Variants in COL19A1 observed in about 807,000 individuals in gnomAD.
The protein encoded by COL19A1 is collagen alpha-1(XIX) chain.
A neutral mutation model predicts 190.2 loss-of-function variants in COL19A1; 159 were observed. The observed-to-expected ratio is 0.84, with a 90% CI of 0.73 to 0.95. The LOEUF is 0.95. Ranked by LOEUF, COL19A1 falls within the 40% of genes least tolerant of loss-of-function variation. COL19A1 has a pLI of 0.00. For missense variants in COL19A1, 1,418 were observed against 1,431.9 expected, an observed-to-expected ratio of 0.99 and a Z score of 0.16; for synonymous variants, 509 against 458.9, an observed-to-expected ratio of 1.11 and a Z score of -1.39.
Position 69,927,992 on chromosome 6 carries a change from G to A in COL19A1, c.350G>A (p.Trp117Ter). ...RVRRNAKKERWFLWQVLNQQN... is the reference protein window; with the variant it reads ...RVRRNAKKER Reference sequence around the variant, plus strand: ...CGAAGAAACGCCAAAAAGGAACGGTGGTTTCTGTGGCAGGTTTTAAACCAG... The same window carrying A: ...CGAAGAAACGCCAAAAAGGAACGGTAGTTTCTGTGGCAGGTTTTAAACCAG... The change falls in exon 5 of 51, where the codon TGG becomes TAG. Residue 117 changes from tryptophan to a stop codon, truncating the protein, a stop_gained. Transcript: ENST00000620364. LOFTEE classifies it high-confidence loss of function. The A allele has an allele frequency of 5.0e-6, 8 of 1,613,136 alleles. No individual in the cohort carries two copies. The highest frequency in any genetic ancestry group is 6.8e-6 in the Non-Finnish European group (8 of 1,179,424).
chr6:69,977,203 C>T (rs907313516), intron 11 of COL19A1, among the ~76,000 whole-genome samples: 7 of 151,998 alleles, frequency 4.6e-5, no homozygotes, highest in African/African-American at 1.5e-4. Flanking sequence ...GAAAATGTAG[C>T]GCATATACAC....
intron 49 of COL19A1, among the ~76,000 whole-genome samples, chr6:70,204,532 G>T (rs554718333): frequency 2.0e-5 from 3 of 152,300 alleles, no homozygotes; most frequent in Admixed American, 6.5e-5. Context: ...AAGGGTAAAT[G>T]TTACCTTATG....
At chr6:70,147,040 A>G (rs1393050129) in intron 27 of COL19A1, 151 bp downstream of exon 27, 2 of 639,704 alleles carry the variant, frequency 3.1e-6, no homozygotes, top group Non-Finnish European at 5.1e-6. Context: ...TTGAGGTTGT[A>G]TCACTTAAGC....
At position 70,190,372 on chromosome 6, in the gene COL19A1, A is replaced by C. The variant is rs997760885; in HGVS notation, c.3085A>C (p.Ile1029Leu). The C allele has an allele frequency of 6.9e-6, 11 of 1,598,504 alleles. No individual in the cohort carries two copies. The highest frequency in any genetic ancestry group is 1.3e-5 in the African/African-American group (1 of 74,366). ...GTATATTAATCAAGAGGTCCTAAGGATTTTTGAAGGTTAGATTTTCTTAAT... is the reference window on the plus strand; with the variant it reads ...GTATATTAATCAAGAGGTCCTAAGGCTTTTTGAAGGTTAGATTTTCTTAAT... The part of the protein sequence containing the change: ...KKYINQEVLR[I>L]FEERMAVFLS... Residue 1029 changes from isoleucine (I) to leucine (L), a missense_variant, in exon 48 of 51, where the codon ATT (isoleucine) becomes CTT (leucine). Coordinates refer to ENST00000620364, the MANE Select transcript of COL19A1 (RefSeq NM_001858.6).
At chr6:70,195,806 A>C (rs904189353) in intron 48 of COL19A1, among the ~76,000 whole-genome samples, 1 of 152,122 alleles carries the variant, frequency 6.6e-6, no homozygotes, top group Non-Finnish European at 1.5e-5. Flanking sequence ...TTCTAGTCTA[A>C]GAGTTTAGTT....
Position 69,987,834 on chromosome 6 carries a change from G to A in COL19A1, c.1026+24964G>A, listed in dbSNP as rs3805980. 5.5e-3 allele frequency among the ~76,000 whole-genome samples: 838 copies of A among 152,268 alleles called. 19 individuals are homozygous for A. In the East Asian group the frequency reaches 0.069, roughly 12 times the overall value. ...ATGGAGTTCTTAATACCAGAAAATT[G>A]CCTAGAAAATTTACTCAAGTAGTGG... On this transcript the variant is annotated intron_variant, in intron 11 of 50. Coordinates refer to ENST00000620364, the MANE Select transcript of COL19A1 (RefSeq NM_001858.6).
chr6:70,141,057 G>A (rs1786220745), intron 20 of COL19A1, 68 bp downstream of exon 20: 1 of 1,425,248 alleles, frequency 7.0e-7, no homozygotes, highest in Non-Finnish European at 9.8e-7. Flanking sequence ...TGATTTTCTG[G>A]TATGTTTACT....
chr6:69,917,651 G>A (rs1280886494), intron 4 of COL19A1, among the ~76,000 whole-genome samples: 6 of 152,084 alleles, frequency 3.9e-5, no homozygotes, highest in Non-Finnish European at 8.8e-5. Flanking sequence ...CTAGGGTGAG[G>A]ACAATCTTAG....
intron 34 of COL19A1, among the ~76,000 whole-genome samples, chr6:70,159,371 C>T (rs1001052366): frequency 1.3e-5 from 2 of 151,598 alleles, no homozygotes; most frequent in African/African-American, 2.4e-5. Flanking sequence ...TACCACATAC[C>T]GATATGTAGA....
chr6:70,130,967 A>G (rs1402068025), intron 18 of COL19A1: 3 of 423,054 alleles, frequency 7.1e-6, no homozygotes, highest in African/African-American at 2.1e-5. Flanking sequence ...ACTGTCCAGT[A>G]GTGGTTTAAC....
intron 1 of COL19A1, among the ~76,000 whole-genome samples, chr6:69,875,422 A>G (rs955432729): frequency 1.3e-5 from 2 of 152,242 alleles, no homozygotes; most frequent in South Asian, 4.1e-4. Flanking sequence ...AAAGTTCTCT[A>G]CTGCTATGTA....
rs550963266 is a variant in COL19A1 at position 70,186,254 on chromosome 6, CTT to C, written c.2856+1340_2856+1341del. Among the ~76,000 whole-genome samples, 26 of 152,290 alleles carry C rather than the reference CTT, an allele frequency of 1.7e-4. No homozygotes were observed. The East Asian group carries it at 3.9e-3, about 23-fold the overall frequency. ...CTACAATGAACATCTTTGTACCTAA[CTT>C]ATAAAATAATTTTAATATGTTAAAG... On this transcript the variant is annotated intron_variant, in intron 46 of 50. Coordinates refer to ENST00000620364, the MANE Select transcript of COL19A1 (RefSeq NM_001858.6).
chr6:70,118,859 C>G (rs779616657), intron 16 of COL19A1, among the ~76,000 whole-genome samples: 1 of 152,094 alleles, frequency 6.6e-6, no homozygotes, highest in Non-Finnish European at 1.5e-5. Flanking sequence ...TGCACTGAGC[C>G]GTGCATATTC....
At chr6:70,155,111 G>T (rs376807604) in intron 31 of COL19A1, among the ~76,000 whole-genome samples, 1 of 152,088 alleles carries the variant, frequency 6.6e-6, no homozygotes, top group East Asian at 1.9e-4. Flanking sequence ...CAAAATTAGT[G>T]TTCCAAGGAG....
At chr6:69,937,332 C>G (rs1773176067) in intron 8 of COL19A1, among the ~76,000 whole-genome samples, 1 of 152,110 alleles carries the variant, frequency 6.6e-6, no homozygotes, top group Admixed American at 6.6e-5. Context: ...TCCAGCATCC[C>G]TAAATTTTCA....
At chr6:70,166,074 A>G (rs1351228874) in intron 37 of COL19A1, 89 bp downstream of exon 37, 5 of 1,145,744 alleles carry the variant, frequency 4.4e-6, no homozygotes, top group South Asian at 3.7e-5. Flanking sequence ...AGATGTTTTC[A>G]AAGATAAAAT....
chr6:70,064,103 G>T (rs1238250245), intron 14 of COL19A1, among the ~76,000 whole-genome samples: 3 of 152,150 alleles, frequency 2.0e-5, no homozygotes, highest in African/African-American at 7.2e-5. Context: ...TAGAAAAAGA[G>T]AGAATCCTCC....
At chr6:70,041,882 T>C (rs1779652537) in intron 14 of COL19A1, among the ~76,000 whole-genome samples, 1 of 151,528 alleles carries the variant, frequency 6.6e-6, no homozygotes, top group Non-Finnish European at 1.5e-5. Flanking sequence ...CAAAACCTCA[T>C]CTCTACTACA....
chr6:69,932,806 C>T lies in COL19A1; in HGVS notation c.690C>T (p.Ile230=). The T allele has an allele frequency of 6.2e-7, 1 of 1,605,662 alleles. No individual in the cohort carries two copies. Among genetic ancestry groups the T allele is most frequent in the Admixed American group, 1.7e-5 (1 of 59,310 alleles). The change falls in exon 7 of 51, where the codon ATC becomes ATT. Residue 230 remains isoleucine, a synonymous_variant. Coordinates refer to ENST00000620364, the MANE Select transcript of COL19A1 (RefSeq NM_001858.6). ...PVDIELHQLK[I]YCSANLIAQE... ...AGATTGAACTTCACCAACTTAAAAT[C>T]TACTGCAGTGCAAACCTCATAGCTC...
Sources: allele counts gnomAD v4.1 joint callset (sites outside exome capture counted in the v4.1 genomes callset), GRCh38; gene constraint gnomAD v4.1.1; transcripts MANE v1.5; gene names NCBI Gene and HGNC (gene_info 2026-07-23, HGNC 2026-07-21).